Variants in ZNF142 observed in about 807,000 individuals in gnomAD.
ZNF142 encodes the protein zinc finger protein 142 (clone pHZ-49).
In ZNF142, 96 loss-of-function variants were observed where a neutral mutation model predicts 132.1. The ratio of observed to expected loss-of-function variants is 0.73; its 90% CI spans 0.62 to 0.86. ZNF142 has a LOEUF of 0.86. Ranked by LOEUF, ZNF142 falls within the 40% of genes least tolerant of loss-of-function variation. The pLI is 0.00. For synonymous variants in ZNF142, 842 were observed against 890.1 expected (o/e 0.95, Z 0.96); for missense variants, 2,163 against 2,336.2 (o/e 0.93, Z 1.53).
Position 218,646,493 on chromosome 2 carries a change from T to C in ZNF142, c.1874-145A>G, listed in dbSNP as rs186566636. The C allele has an allele frequency of 7.9e-6, 7 of 889,670 alleles. 1 individual carries two copies. The Admixed American group carries it at 1.2e-4, about 15-fold the overall frequency. 55.1% of individuals were successfully genotyped at this position (889,670 alleles called of 1,614,324 possible). A position where few individuals can be genotyped will look rare whatever the true frequency, so the allele number is the denominator to read the frequency against. ...ACCTGAGATGGTGAAAACCTCACAA[T>C]AATAAAGGGCTGCTTCAGGGCCCTC... On this transcript the variant is annotated intron_variant, in intron 7 of 10. Coordinates refer to ENST00000411696, the MANE Select transcript of ZNF142 (RefSeq NM_001379659.1).
At position 218,652,007 on chromosome 2, in the gene ZNF142, T is replaced by A; in HGVS notation, c.574A>T (p.Thr192Ser). 4.8e-6 allele frequency: 3 copies of A among 621,890 alleles called. No homozygotes were observed. Among genetic ancestry groups the A allele is most frequent in the Non-Finnish European group, 7.9e-6 (3 of 378,280 alleles). The allele number at this position is 621,890 out of a possible 1,614,324, so 38.5% of individuals were successfully genotyped here. The change falls in exon 5 of 11, where the codon ACC (threonine) becomes TCC (serine). Residue 192 changes from threonine (T) to serine (S), a missense_variant. Transcript: ENST00000411696. ...CAGCCAGATTCTGGGCAGGAGAAGG[T>A]GTCAGGAGTGCCCCGGTGAATCTTG... ...HFKIHRGTPD[T>S]FSCPESGCVF... is the part of the protein sequence containing the mutation.
intron 7 of ZNF142, 100 bp from the exon 8 acceptor site, chr2:218,646,448 G>T (rs2106230458): frequency 7.4e-7 from 1 of 1,352,762 alleles, no homozygotes; most frequent in African/African-American, 1.4e-5. Flanking sequence ...TGCCAGGGAG[G>T]AACAACAGCT....
chr2:218,658,315 C>T (rs746517330), intron 3 of ZNF142, among the ~76,000 whole-genome samples: 2 of 152,176 alleles, frequency 1.3e-5, no homozygotes, highest in African/African-American at 4.8e-5. Flanking sequence ...CAAGGCGGGC[C>T]GATCACCTGA....
At position 218,643,359 on chromosome 2, in the gene ZNF142, G is replaced by A. The variant is rs367708840; in HGVS notation, c.3757C>T (p.Arg1253Cys). Residue 1253 changes from arginine (R) to cysteine (C), a missense_variant, in exon 9 of 11, where the codon CGT becomes TGT. Physicochemically the swap from Arg to Cys is radical, Grantham distance 180 (BLOSUM62 -3). Around this residue, in one of 7 missense-constraint regions of ZNF142, gnomAD observed 809 missense variants for 801.7 expected, o/e 1.01. Coordinates refer to ENST00000411696, the MANE Select transcript of ZNF142 (RefSeq NM_001379659.1). ...GTCCCTCGTTTTCCTCCCCCGCCACGTCCCCCCCTGCAGCCTTCAGCCACG... is the reference window on the plus strand; with the variant it reads ...GTCCCTCGTTTTCCTCCCCCGCCACATCCCCCCCTGCAGCCTTCAGCCACG... ...SHVAEGCRGG[R>C]GGGGKRGTPQ... The A allele has an allele frequency of 6.4e-5, 103 of 1,614,138 alleles. No individual in the cohort carries two copies. Among genetic ancestry groups the A allele is most frequent in the Middle Eastern group, 1.6e-4 (1 of 6,062 alleles).
chr2:218,647,422 C>CAA lies in ZNF142; in HGVS notation c.1874-1076_1874-1075dup, dbSNP rs35920609. On this transcript the variant is annotated intron_variant, in intron 7 of 10. Coordinates refer to ENST00000411696, the MANE Select transcript of ZNF142 (RefSeq NM_001379659.1). ...TGAGCAACAGAGCCAGACTCCATCTCAAAAAAAAAAAAAGCCTCCTCCCCT... is the reference window on the plus strand; with the variant it reads ...TGAGCAACAGAGCCAGACTCCATCTCAAAAAAAAAAAAAAAGCCTCCTCCCCT... Among the ~76,000 whole-genome samples the CAA allele has an allele frequency of 2.6e-4, 10 of 38,650 alleles. 4 individuals are homozygous for CAA. Among genetic ancestry groups the CAA allele is most frequent in the Non-Finnish European group, 3.7e-4 (8 of 21,496 alleles). 25.4% of individuals were successfully genotyped at this position (38,650 alleles called of 152,430 possible).
chr2:218,633,617 A>G lies in ZNF142; in HGVS notation c.*4722T>C. On this transcript the variant is annotated 3_prime_UTR_variant, in exon 11 of 11. Transcript: ENST00000411696. ...CCACCTTCTCCAGAAATCCAAGCCC[A>G]TCTTGTGTCCAGCCCTCTCTTCCCT... is the stretch of plus-strand genomic sequence containing the variant. 1 of 1,613,574 alleles carries G rather than the reference A, an allele frequency of 6.2e-7. No individual in the cohort carries two copies. Among genetic ancestry groups the G allele is most frequent in the Non-Finnish European group, 8.5e-7 (1 of 1,179,544 alleles).
chr2:218,636,707 T>A lies in ZNF142; in HGVS notation c.*1632A>T. The A allele has an allele frequency of 1.0e-6, 1 of 958,934 alleles. No individual in the cohort carries two copies. Among genetic ancestry groups the A allele is most frequent in the Non-Finnish European group, 1.6e-6 (1 of 633,034 alleles). 59.4% of individuals were successfully genotyped at this position (958,934 alleles called of 1,614,324 possible). A position where few individuals can be genotyped will look rare whatever the true frequency, so the allele number is the denominator to read the frequency against. On this transcript the variant is annotated 3_prime_UTR_variant, in exon 11 of 11. Coordinates refer to ENST00000411696, the MANE Select transcript of ZNF142 (RefSeq NM_001379659.1). ...GATTGTGCATTCCTAGGCACAAAAT[T>A]ACCTCATTCTTCCTAACAAGCAATC... is the stretch of plus-strand genomic sequence containing the variant.
Position 218,644,935 on chromosome 2 carries a change from C to T in ZNF142, c.2181G>A (p.Leu727=). The T allele has an allele frequency of 3.1e-6, 5 of 1,614,174 alleles. No homozygotes were observed. The highest frequency in any genetic ancestry group is 4.2e-6 in the Non-Finnish European group (5 of 1,180,022). Residue 727 remains leucine, a synonymous_variant, in exon 9 of 11, where the codon CTG becomes CTA. Coordinates refer to ENST00000411696, the MANE Select transcript of ZNF142 (RefSeq NM_001379659.1). The surrounding 1 kb of genome is among the most constrained non-coding windows in gnomAD (Gnocchi z 4.6). ...CAFACKRKYE[L]QKHMASQHHP... The stretch of plus-strand genomic sequence containing the variant: ...GGTGCTGGGAAGCCATGTGCTTCTG[C>T]AGCTCATACTTCCGCTTGCAGGCGA...
chr2:218,639,831 G>A lies in ZNF142; in HGVS notation c.5194+833C>T, dbSNP rs538402558. On this transcript the variant is annotated intron_variant, in intron 10 of 10. Coordinates refer to ENST00000411696, the MANE Select transcript of ZNF142 (RefSeq NM_001379659.1). ...AGCACTTTGGGAGGCCGAGGCGGGC[G>A]GATCATGAGGTCAGGAGATTGAGAC... Among the ~76,000 whole-genome samples the A allele has an allele frequency of 4.0e-5, 6 of 150,976 alleles. No individual in the cohort carries two copies. In the South Asian group the frequency reaches 6.3e-4, roughly 16 times the overall value.
rs752277832 is a variant in ZNF142, at chr2:218,638,702, A to C, written c.5301T>G (p.Cys1767Trp). The C allele has an allele frequency of 1.9e-6, 3 of 1,614,136 alleles. No individual in the cohort carries two copies. Among genetic ancestry groups the C allele is most frequent in the Non-Finnish European group, 2.5e-6 (3 of 1,180,022 alleles). ...TCTTGAAGGCCTTGCCACACTGCTC[A>C]CACATGAAAGCCCGTGCTTCTCGAT... ...TRHREARAFM[C>W]EQCGKAFKTR... is the part of the protein sequence containing the mutation. Residue 1767 changes from cysteine (C) to tryptophan (W), a missense_variant, in exon 11 of 11, where the codon TGT becomes TGG. Coordinates refer to ENST00000411696, the MANE Select transcript of ZNF142 (RefSeq NM_001379659.1).
Position 218,633,806 on chromosome 2 carries a change from G to C in ZNF142, c.*4533C>G. 6.2e-7 allele frequency: 1 copy of C among 1,603,276 alleles called. No homozygotes were observed. The highest frequency in any genetic ancestry group is 8.5e-7 in the Non-Finnish European group (1 of 1,172,444). ...GATGGGGAGGGAAGTGGGATGGATA[G>C]GTTCAGGCCTGATGGACTGGCAGGT... On this transcript the variant is annotated 3_prime_UTR_variant, in exon 11 of 11. Transcript: ENST00000411696.
At chr2:218,650,983 ACTT>A (rs1454892876) in intron 5 of ZNF142, among the ~76,000 whole-genome samples, 1 of 129,488 alleles carries the variant, frequency 7.7e-6, no homozygotes, top group Non-Finnish European at 1.6e-5. Flanking sequence ...TCCTTTCTTT[ACTT>A]CTTTTTTTTT....
chr2:218,654,194 T>C (rs1248875160), intron 4 of ZNF142, among the ~76,000 whole-genome samples: 1 of 152,196 alleles, frequency 6.6e-6, no homozygotes, highest in African/African-American at 2.4e-5. Flanking sequence ...TCTTTGTGCA[T>C]TCCTACAGTG....
At chr2:218,654,581 G>C (rs142558718) in intron 4 of ZNF142, among the ~76,000 whole-genome samples, 1 of 151,934 alleles carries the variant, frequency 6.6e-6, no homozygotes, top group East Asian at 1.9e-4. Context: ...GCCCAGGCTG[G>C]TCTCAAACTC....
chr2:218,642,650 G>A lies in ZNF142; in HGVS notation c.4466C>T (p.Ser1489Phe), dbSNP rs758349243. Residue 1489 changes from serine to phenylalanine, a missense_variant, in exon 9 of 11, where the codon TCC becomes TTC. Transcript: ENST00000411696. This position sits in a 1 kb window ranked among gnomAD's most constrained non-coding sequence, Gnocchi z 4.6. ...CHQGTPAFAC[S>F]QCEAQFSSET... is the part of the protein sequence containing the mutation. Reference sequence around the variant, plus strand: ...TGAGCTGAACTGGGCTTCACACTGGGAGCAGGCAAAGGCTGGGGTGCCTTG... The same window carrying A: ...TGAGCTGAACTGGGCTTCACACTGGAAGCAGGCAAAGGCTGGGGTGCCTTG... 40 of 1,614,002 alleles carry A rather than the reference G, an allele frequency of 2.5e-5. No individual in the cohort carries two copies. In the South Asian group the frequency reaches 4.0e-4, roughly 16 times the overall value.
Position 218,643,449 on chromosome 2 carries a change from G to T in ZNF142, c.3667C>A (p.Gln1223Lys). The change falls in exon 9 of 11, where the codon CAG becomes AAG. Residue 1223 changes from glutamine (Q) to lysine (K), a missense_variant. Gln to Lys is a moderately conservative substitution (Grantham distance 53, BLOSUM62 1). Coordinates refer to ENST00000411696, the MANE Select transcript of ZNF142 (RefSeq NM_001379659.1). ...TEALKKHRFE[Q>K]GKFHCNSCPF... ...CAGGAGTTGCAGTGAAACTTGCCCT[G>T]CTCAAAGCGGTGCTTCTTCAGGGCC... is the stretch of plus-strand genomic sequence containing the variant. 1 of 1,614,236 alleles carries T rather than the reference G, an allele frequency of 6.2e-7. No individual in the cohort carries two copies. The highest frequency in any genetic ancestry group is 1.1e-5 in the South Asian group (1 of 91,086).
chr2:218,642,033 G>C lies in ZNF142; in HGVS notation c.5083C>G (p.Leu1695Val), dbSNP rs375408198. 7 of 1,613,222 alleles carry C rather than the reference G, an allele frequency of 4.3e-6. No homozygotes were observed. The highest frequency in any genetic ancestry group is 2.2e-5 in the East Asian group (1 of 44,866). Residue 1695 changes from leucine to valine, a missense_variant, in exon 9 of 11, where the codon CTC (leucine) becomes GTC (valine). Physicochemically the swap from Leu to Val is conservative, Grantham distance 32 (BLOSUM62 1). Coordinates refer to ENST00000411696, the MANE Select transcript of ZNF142 (RefSeq NM_001379659.1). The surrounding 1 kb of genome is among the most constrained non-coding windows in gnomAD (Gnocchi z 4.6). ...CCCATATCCTCTGACATTACCTTGAGACGAGAGGGATCAGCACAGGCATAG... is the reference window on the plus strand; with the variant it reads ...CCCATATCCTCTGACATTACCTTGACACGAGAGGGATCAGCACAGGCATAG... ...CPYACADPSR[L>V]KYHMRIHKEE...
In ZNF142 at chr2:218,640,746, C is replaced by T. The variant is rs761400522; in HGVS notation, c.5112G>A (p.Glu1704=). 1.2e-6 allele frequency: 2 copies of T among 1,614,176 alleles called. No homozygotes were observed. The highest frequency in any genetic ancestry group is 2.2e-5 in the South Asian group (2 of 91,084). ...ACTCAGGGCACAGGTACTTCCGTTC[C>T]TCCTTGTGGATCCGCATGTGGTACT... ...RLKYHMRIHK[E]ERKYLCPECG... Residue 1704 remains glutamate (E), a synonymous_variant, in exon 10 of 11, where the codon GAG becomes GAA. Coordinates refer to ENST00000411696, the MANE Select transcript of ZNF142 (RefSeq NM_001379659.1).
rs766035014 is a variant in ZNF142, at chr2:218,656,302, G to A, written c.128C>T (p.Pro43Leu). 7.4e-6 allele frequency: 12 copies of A among 1,611,702 alleles called. No homozygotes were observed. The South Asian group carries it at 1.1e-4, about 15-fold the overall frequency. Reference protein sequence around the residue: ...NRGILGPVQSPCPSRDPAPIP... With the variant: ...NRGILGPVQSLCPSRDPAPIP... ...AGGTGCAGGGTCCCGGGAAGGACAG[G>A]GGCTCTGGACAGGCCCCAGGATTCC... The change falls in exon 4 of 11, where the codon CCC becomes CTC. Residue 43 changes from proline (P) to leucine (L), a missense_variant. This residue lies in a region of ZNF142 where 195 missense variants were observed against 172.4 expected (regional missense o/e 1.13). Coordinates refer to ENST00000411696, the MANE Select transcript of ZNF142 (RefSeq NM_001379659.1).
Sources: gnomAD v4.1 joint callset for allele counts (sites outside exome capture counted in the v4.1 genomes callset) on GRCh38, gnomAD v4.1.1 for gene constraint, gnomAD v4.1.1 regional missense constraint, Gnocchi (gnomAD v3.1) non-coding constraint, MANE v1.5 for transcripts, NCBI Gene and HGNC (gene_info 2026-07-23, HGNC 2026-07-21) for gene names.